The following RIMKLA variants were observed in gnomAD, a reference collection of about 807,000 sequenced individuals.
RIMKLA encodes N-acetylaspartylglutamate synthase A.
In RIMKLA, 14 loss-of-function variants were observed where a neutral mutation model predicts 32.7. The observed-to-expected ratio is 0.43, with a 90% confidence interval of 0.28 to 0.67. The LOEUF (loss-of-function observed/expected upper bound fraction) is 0.67. Among genes scored for constraint, RIMKLA ranks in the 30% least tolerant of loss-of-function variants. The pLI is 0.18. For synonymous variants in RIMKLA, 176 were observed against 204.1 expected (o/e 0.86, Z 1.18); for missense variants, 410 against 519.0 (o/e 0.79, Z 2.04).
In RIMKLA at chr1:42,411,289, T is replaced by A. The variant is rs117240701; in HGVS notation, c.685+1102T>A. On this transcript the variant is annotated intron_variant, in intron 4 of 4. Transcript: ENST00000431473. ...GTTTGAGGCTGCAGTGAGCTATGAT[T>A]GTGCCATAGCACTCCAGCCTGGGCA... 0.011 allele frequency among the ~76,000 whole-genome samples: 1,613 copies of A among 151,564 alleles called. 106 individuals carry two copies. In the East Asian group the frequency reaches 0.16, roughly 15 times the overall value.
chr1:42,382,316 A>G (rs777750805), intron 1 of RIMKLA, among the ~76,000 whole-genome samples: 5 of 152,234 alleles, frequency 3.3e-5, no homozygotes, highest in Admixed American at 2.0e-4. Context: ...TAAAACTGTC[A>G]CAGTTAATGT....
chr1:42,398,301 A>G (rs1643064826), intron 1 of RIMKLA, among the ~76,000 whole-genome samples: 1 of 152,198 alleles, frequency 6.6e-6, no homozygotes. Context: ...CTTCAAGCTA[A>G]TATTCCTACT....
chr1:42,411,093 G>C (rs967026182), intron 4 of RIMKLA, among the ~76,000 whole-genome samples: 1 of 152,172 alleles, frequency 6.6e-6, no homozygotes, highest in Non-Finnish European at 1.5e-5. Flanking sequence ...ATTTTGGAAG[G>C]CCAAGGCAGG....
chr1:42,382,847 AC>A (rs1431016558), intron 1 of RIMKLA, among the ~76,000 whole-genome samples: 1 of 151,966 alleles, frequency 6.6e-6, no homozygotes, highest in Non-Finnish European at 1.5e-5. Context: ...CTATTCACAA[AC>A]CAGGAGTTCT....
rs1372540508 is a variant in RIMKLA, at chr1:42,380,885, C to G, written c.-50C>G. On this transcript the variant is annotated 5_prime_UTR_variant, in exon 1 of 5. Transcript: ENST00000431473. ...CCGCTCGCCCTACTGAGCGAGCGGCCCGGGGCGCCGAGGGGTCCGCGCCGC... is the reference window on the plus strand; with the variant it reads ...CCGCTCGCCCTACTGAGCGAGCGGCGCGGGGCGCCGAGGGGTCCGCGCCGC... 1.6e-5 allele frequency: 19 copies of G among 1,223,782 alleles called. No homozygotes were observed. The highest frequency in any genetic ancestry group is 3.3e-5 in the East Asian group (1 of 30,304). 75.8% of individuals were successfully genotyped at this position (1,223,782 alleles called of 1,614,324 possible).
chr1:42,403,778 G>A (rs1209186540), intron 2 of RIMKLA, among the ~76,000 whole-genome samples: 2 of 152,186 alleles, frequency 1.3e-5, no homozygotes, highest in Non-Finnish European at 2.9e-5. Flanking sequence ...GGGTTCTCTG[G>A]TTAGGTGTCC....
chr1:42,393,909 T>C (rs969572125), intron 1 of RIMKLA, among the ~76,000 whole-genome samples: 3 of 152,092 alleles, frequency 2.0e-5, no homozygotes, highest in African/African-American at 7.2e-5. Flanking sequence ...CTCAGCCTCC[T>C]GAGTAGCTGG....
chr1:42,407,571 T>C (rs1247320581), intron 3 of RIMKLA, among the ~76,000 whole-genome samples: 1 of 152,232 alleles, frequency 6.6e-6, no homozygotes. Flanking sequence ...TACCATTTGT[T>C]GAAGAGCCTG....
At chr1:42,384,541 G>GTA (rs565501394) in intron 1 of RIMKLA, among the ~76,000 whole-genome samples, 5 of 137,462 alleles carry the variant, frequency 3.6e-5, no homozygotes, top group African/African-American at 5.7e-5. Flanking sequence ...ACATATATAT[G>GTA]TATATATATG....
chr1:42,402,128 G>A (rs1413420869), intron 2 of RIMKLA, among the ~76,000 whole-genome samples: 1 of 152,060 alleles, frequency 6.6e-6, no homozygotes, highest in Admixed American at 6.6e-5. Flanking sequence ...AAAATCATTA[G>A]CACTCTTGTG....
In RIMKLA at chr1:42,380,920, AC is replaced by A. The variant is rs1274148644; in HGVS notation, c.-13del. The A allele has an allele frequency of 3.7e-6, 5 of 1,349,470 alleles. No individual in the cohort carries two copies. The highest frequency in any genetic ancestry group is 4.8e-6 in the Non-Finnish European group (5 of 1,049,356). The allele number at this position is 1,349,470 out of a possible 1,614,324, so 83.6% of individuals were successfully genotyped here. A position where few individuals can be genotyped will look rare whatever the true frequency, so the allele number is the denominator to read the frequency against. ...GAGGGGTCCGCGCCGCGCGGGGCGCACCGCCCTGGCCGCCATGTGCTCCCAG... is the reference window on the plus strand; with the variant it reads ...GAGGGGTCCGCGCCGCGCGGGGCGCACGCCCTGGCCGCCATGTGCTCCCAG... On this transcript the variant is annotated 5_prime_UTR_variant, in exon 1 of 5. Transcript: ENST00000431473.
chr1:42,411,266 T>C (rs1643194842), intron 4 of RIMKLA, among the ~76,000 whole-genome samples: 2 of 151,926 alleles, frequency 1.3e-5, no homozygotes, highest in African/African-American at 2.4e-5. Flanking sequence ...GCCCAGGAGT[T>C]TGAGGCTGCA....
chr1:42,382,982 T>C (rs1336467956), intron 1 of RIMKLA, among the ~76,000 whole-genome samples: 1 of 151,972 alleles, frequency 6.6e-6, no homozygotes, highest in East Asian at 1.9e-4. Context: ...CTCAGCCTCC[T>C]GAGTAGCTGG....
At chr1:42,411,234 C>T (rs1643194658) in intron 4 of RIMKLA, among the ~76,000 whole-genome samples, 1 of 151,484 alleles carries the variant, frequency 6.6e-6, no homozygotes, top group Non-Finnish European at 1.5e-5. Flanking sequence ...ACTCATGAAG[C>T]TGAGGTGGGA....
chr1:42,386,725 A>AG lies in RIMKLA; in HGVS notation c.163+5628_163+5629insG, dbSNP rs900520802. 2.6e-5 allele frequency among the ~76,000 whole-genome samples: 4 copies of AG among 151,026 alleles called. No individual in the cohort carries two copies. The East Asian group carries it at 7.8e-4, about 29-fold the overall frequency. The stretch of plus-strand genomic sequence containing the variant: ...ACCCCGTCTCTACTAAAAAAAAAAA[A>AG]AATACAAAAATTACCCAGGCTTGGT... On this transcript the variant is annotated intron_variant, in intron 1 of 4. Transcript: ENST00000431473.
At chr1:42,382,114 A>C (rs1367965033) in intron 1 of RIMKLA, among the ~76,000 whole-genome samples, 1 of 152,240 alleles carries the variant, frequency 6.6e-6, no homozygotes, top group Non-Finnish European at 1.5e-5. Flanking sequence ...GAGATTTTGA[A>C]TATGACCTGT....
chr1:42,387,631 T>G (rs1445393624), intron 1 of RIMKLA, among the ~76,000 whole-genome samples: 1 of 152,202 alleles, frequency 6.6e-6, no homozygotes, highest in Non-Finnish European at 1.5e-5. Flanking sequence ...GCAGTAGAGA[T>G]AAAATGGAGA....
chr1:42,422,245 T>G lies in RIMKLA; in HGVS notation c.*7271T>G, dbSNP rs1288305291. ...GAAGTTTAACACCTAAAAGACTGCTTCTCTGCTTGTTCTGTCTAACTTCTG... is the reference window on the plus strand; with the variant it reads ...GAAGTTTAACACCTAAAAGACTGCTGCTCTGCTTGTTCTGTCTAACTTCTG... On this transcript the variant is annotated 3_prime_UTR_variant, in exon 5 of 5. Transcript: ENST00000431473. 6.6e-6 allele frequency: 1 copy of G among 152,232 alleles called. No individual in the cohort carries two copies. Among genetic ancestry groups the G allele is most frequent in the African/African-American group, 2.4e-5 (1 of 41,462 alleles). 9.4% of individuals were successfully genotyped at this position (152,232 alleles called of 1,614,324 possible).
intron 4 of RIMKLA, among the ~76,000 whole-genome samples, chr1:42,410,739 G>T (rs551113368): frequency 1.3e-5 from 2 of 152,222 alleles, no homozygotes; most frequent in East Asian, 3.9e-4. Context: ...TGTACTGAAT[G>T]GAGATACTTC....
Sources: gnomAD v4.1 joint callset for allele counts (sites outside exome capture counted in the v4.1 genomes callset) on GRCh38, gnomAD v4.1.1 for gene constraint, MANE v1.5 for transcripts, NCBI Gene and HGNC (gene_info 2026-07-23, HGNC 2026-07-21) for gene names.